Variants in LETM1 observed in about 807,000 individuals in gnomAD.
LETM1 encodes the protein leucine zipper and EF-hand containing transmembrane protein 1, also known as mitochondrial proton/calcium exchanger protein.
A neutral mutation model predicts 74.5 loss-of-function variants in LETM1; 50 were observed. The ratio of observed to expected loss-of-function variants is 0.67; its 90% CI spans 0.53 to 0.85. LETM1 has a LOEUF of 0.85. Among genes scored for constraint, LETM1 ranks in the 40% least tolerant of loss-of-function variants. The pLI is 0.00. For synonymous variants in LETM1, 446 were observed against 407.1 expected, an observed-to-expected ratio of 1.10 and a Z score of -1.15; for missense variants, 824 against 967.8, an observed-to-expected ratio of 0.85 and a Z score of 1.97.
chr4:1,828,017 CGGACGGGGCGGCT>C (rs1212104818), intron 6 of LETM1, among the ~76,000 whole-genome samples: 2 of 144,672 alleles, frequency 1.4e-5, no homozygotes, highest in Non-Finnish European at 3.0e-5. Flanking sequence ...CCCCCCAACC[CGGACGGGGCGGCT>C]GGCCGGGCAG....
intron 2 of LETM1, among the ~76,000 whole-genome samples, chr4:1,842,851 C>T (rs1035871792): frequency 2.0e-5 from 3 of 152,240 alleles, no homozygotes; most frequent in Non-Finnish European, 4.4e-5. Flanking sequence ...CATCTGACCG[C>T]AGCGTGGTGC....
intron 2 of LETM1, among the ~76,000 whole-genome samples, chr4:1,848,715 CAAAAAAAAAAAAA>C (rs927486416): frequency 9.1e-5 from 4 of 43,900 alleles, no homozygotes; most frequent in African/African-American, 1.8e-4. Flanking sequence ...GGCTCTGTCT[CAAAAAAAAAAAAA>C]AAAAAAAAGA....
At chr4:1,829,269 G>C (rs1712167663) in intron 6 of LETM1, among the ~76,000 whole-genome samples, 1 of 139,624 alleles carries the variant, frequency 7.2e-6, no homozygotes, top group Non-Finnish European at 1.5e-5. Context: ...GGGCAGAGGG[G>C]CTCCTCACTT....
rs192879533 is a variant in LETM1 at position 1,850,296 on chromosome 4, A to C, written c.83-1087T>G. Among the ~76,000 whole-genome samples the C allele has an allele frequency of 3.3e-5, 5 of 152,254 alleles. No homozygotes were observed. The East Asian group carries it at 9.7e-4, about 29-fold the overall frequency. On this transcript the variant is annotated intron_variant, in intron 1 of 13. Coordinates refer to ENST00000302787, the MANE Select transcript of LETM1 (RefSeq NM_012318.3). ...GCCCCAGTTATGAAAACAGTATCTCAAAGTAGTCCTAAAAAAAGATGGGAA... is the reference window on the plus strand; with the variant it reads ...GCCCCAGTTATGAAAACAGTATCTCCAAGTAGTCCTAAAAAAAGATGGGAA...
rs538145605 is a variant in LETM1, at chr4:1,824,144, G to A, written c.1201-369C>T. Among the ~76,000 whole-genome samples the A allele has an allele frequency of 2.1e-3, 324 of 152,272 alleles. 1 individual carries two copies. Among genetic ancestry groups the A allele is most frequent in the Non-Finnish European group, 3.3e-3 (223 of 68,022 alleles). The stretch of plus-strand genomic sequence containing the variant: ...TCGAGACCAGCCTGGCCAACATGGC[G>A]ATCCCATCTCTACTAAAAATACAAA... On this transcript the variant is annotated intron_variant, in intron 7 of 13. Coordinates refer to ENST00000302787, the MANE Select transcript of LETM1 (RefSeq NM_012318.3).
rs967147742 is a variant in LETM1 at position 1,834,297 on chromosome 4, G to A, written c.876+548C>T. 1.9e-5 allele frequency: 14 copies of A among 731,760 alleles called. No homozygotes were observed. Among genetic ancestry groups the A allele is most frequent in the Middle Eastern group, 6.9e-4 (1 of 1,458 alleles). 45.3% of individuals were successfully genotyped at this position (731,760 alleles called of 1,614,324 possible). On this transcript the variant is annotated intron_variant, in intron 5 of 13. Transcript: ENST00000302787. The surrounding 1 kb of genome is among the most constrained non-coding windows in gnomAD (Gnocchi z 5.0). ...ACAAGTCCCTCAAGCCAACAACACC[G>A]GCCTCGTGAACCCCATCTAGTCCTC...
intron 6 of LETM1, among the ~76,000 whole-genome samples, chr4:1,826,880 C>T (rs900391346): frequency 1.3e-5 from 2 of 152,194 alleles, no homozygotes; most frequent in African/African-American, 2.4e-5. Context: ...AATCCACGGA[C>T]GCAGCTCACT....
intron 11 of LETM1, among the ~76,000 whole-genome samples, chr4:1,818,214 C>T (rs1019959315): frequency 6.6e-6 from 1 of 152,204 alleles, no homozygotes; most frequent in African/African-American, 2.4e-5. Context: ...CAGTGGAGAA[C>T]CCACATGGCA....
chr4:1,856,002 G>C lies in LETM1; in HGVS notation c.-52C>G. Reference sequence around the variant, plus strand: ...CCTCCTGCGCTGCCTCCTTCTCCGCGGCGGCCGCGGCTCTTCGCCGTCCCG... The same window carrying C: ...CCTCCTGCGCTGCCTCCTTCTCCGCCGCGGCCGCGGCTCTTCGCCGTCCCG... On this transcript the variant is annotated 5_prime_UTR_variant, in exon 1 of 14. Transcript: ENST00000302787. 2 of 1,111,180 alleles carry C rather than the reference G, an allele frequency of 1.8e-6. No individual in the cohort carries two copies. Among genetic ancestry groups the C allele is most frequent in the Non-Finnish European group, 2.3e-6 (2 of 887,280 alleles). The allele number at this position is 1,111,180 out of a possible 1,614,324, so 68.8% of individuals were successfully genotyped here.
Position 1,812,872 on chromosome 4 carries a change from AC to A in LETM1, c.*1551del, listed in dbSNP as rs1177872623. ...CCTGTTGCAGTGGCTGTTCACGTCA[AC>A]AGTGCTCAGCCAAGGCAGTGAGGAC... On this transcript the variant is annotated 3_prime_UTR_variant, in exon 14 of 14. Coordinates refer to ENST00000302787, the MANE Select transcript of LETM1 (RefSeq NM_012318.3). 4.6e-5 allele frequency: 7 copies of A among 152,446 alleles called. No homozygotes were observed. The East Asian group carries it at 1.3e-3, about 29-fold the overall frequency. 9.4% of individuals were successfully genotyped at this position (152,446 alleles called of 1,614,324 possible).
chr4:1,831,799 C>T (rs1254738082), intron 6 of LETM1, among the ~76,000 whole-genome samples: 1 of 152,248 alleles, frequency 6.6e-6, no homozygotes, highest in Non-Finnish European at 1.5e-5. Flanking sequence ...TGCCCTGAAC[C>T]TCTTTGTCTT....
intron 6 of LETM1, among the ~76,000 whole-genome samples, chr4:1,830,543 A>T (rs1334560628): frequency 6.6e-6 from 1 of 152,210 alleles, no homozygotes; most frequent in Non-Finnish European, 1.5e-5. Flanking sequence ...TATGTTGCCC[A>T]GGAAGGTCTC....
At position 1,815,742 on chromosome 4, in the gene LETM1, G is replaced by A. The variant is rs767887133; in HGVS notation, c.1992C>T (p.Pro664=). 117 of 1,614,082 alleles carry A rather than the reference G, an allele frequency of 7.2e-5. 1 individual carries two copies. The highest frequency in any genetic ancestry group is 1.9e-4 in the South Asian group (17 of 91,084). ...CGGCCAGGCTGGTGAGCTTGCTTTC[G>A]GGAATGTGCTTGACTTGCTTCATGG... ...INAMKQVKHI[P]ESKLTSLAAA... is the part of the protein sequence containing the mutation. Residue 664 remains proline, a synonymous_variant, in exon 13 of 14, where the codon CCC becomes CCT. Transcript: ENST00000302787.
In LETM1 at chr4:1,832,921, GCTGGGCCTCTCCC is replaced by G; in HGVS notation, c.890_902del (p.Gly297AlafsTer16). 1 of 1,612,412 alleles carries G rather than the reference GCTGGGCCTCTCCC, an allele frequency of 6.2e-7. No individual in the cohort carries two copies. Among genetic ancestry groups the G allele is most frequent in the Admixed American group, 1.7e-5 (1 of 60,002 alleles). On this transcript the variant is annotated frameshift_variant, in exon 6 of 14. Coordinates refer to ENST00000302787, the MANE Select transcript of LETM1 (RefSeq NM_012318.3). LOFTEE classifies it high-confidence loss of function. ...TGGAAAAACGCATGATTTCCTCATT[GCTGGGCCTCTCCC>G]CTGTTTCCCGGATCTGCGGAAGTGG...
At chr4:1,816,431 G>A (rs1442715389) in intron 12 of LETM1, among the ~76,000 whole-genome samples, 4 of 152,220 alleles carry the variant, frequency 2.6e-5, no homozygotes, top group African/African-American at 7.2e-5. Context: ...AGAGGCAAGA[G>A]AGAGCCTGGT....
intron 5 of LETM1, chr4:1,833,729 G>A (rs1712361916): frequency 6.6e-6 from 1 of 152,462 alleles, no homozygotes; most frequent in South Asian, 2.1e-4. Context: ...GGCTAGGAGG[G>A]TACCTAGCAG....
chr4:1,822,326 C>A lies in LETM1; in HGVS notation c.1477-14G>T, dbSNP rs370391669. ...CTCAAAATCCTTCTGAAAGGCAAGG[C>A]GACACCAGCCCAGCGCCCGCCATCA... On this transcript the variant is annotated splice_polypyrimidine_tract_variant and intron_variant, in intron 9 of 13. Coordinates refer to ENST00000302787, the MANE Select transcript of LETM1 (RefSeq NM_012318.3). The A allele has an allele frequency of 2.0e-6, 3 of 1,477,566 alleles. No individual in the cohort carries two copies. Among genetic ancestry groups the A allele is most frequent in the South Asian group, 2.8e-5 (2 of 71,696 alleles). The allele number at this position is 1,477,566 out of a possible 1,614,324, so 91.5% of individuals were successfully genotyped here. A position where few individuals can be genotyped will look rare whatever the true frequency, so the allele number is the denominator to read the frequency against.
Position 1,816,714 on chromosome 4 carries a change from C to T in LETM1, c.1931+13G>A, listed in dbSNP as rs372297853. 2 of 1,611,198 alleles carry T rather than the reference C, an allele frequency of 1.2e-6. No homozygotes were observed. Among genetic ancestry groups the T allele is most frequent in the African/African-American group, 2.7e-5 (2 of 74,862 alleles). ...GTCTCCGATCCCTCTCCCGCGCCCA[C>T]CACCCCACTCACCCCGTGGGCATGC... On this transcript the variant is annotated intron_variant, in intron 12 of 13. Coordinates refer to ENST00000302787, the MANE Select transcript of LETM1 (RefSeq NM_012318.3).
chr4:1,855,890 G>T lies in LETM1; in HGVS notation c.61C>A (p.Pro21Thr). Reference sequence around the variant, plus strand: ...TTACCCCGCGGGACGGTGTACCGAGGCGGCGGCGGGAGGCGGGCGGGCGCC... The same window carrying T: ...TTACCCCGCGGGACGGTGTACCGAGTCGGCGGCGGGAGGCGGGCGGGCGCC... ...GRAPARLPPP[P>T]RYTVPRGSPG... The change falls in exon 1 of 14, where the codon CCT becomes ACT. Residue 21 changes from proline to threonine, a missense_variant. Transcript: ENST00000302787. 1.6e-6 allele frequency: 2 copies of T among 1,239,112 alleles called. No homozygotes were observed. The highest frequency in any genetic ancestry group is 1.0e-6 in the Non-Finnish European group (1 of 994,130). The allele number at this position is 1,239,112 out of a possible 1,614,324, so 76.8% of individuals were successfully genotyped here.
Sources: allele counts gnomAD v4.1 joint callset (sites outside exome capture counted in the v4.1 genomes callset), GRCh38; gene constraint gnomAD v4.1.1; non-coding constraint Gnocchi (gnomAD v3.1); transcripts MANE v1.5; gene names NCBI Gene and HGNC (gene_info 2026-07-23, HGNC 2026-07-21).